The following TRERF1 variants were observed in gnomAD, a reference collection of about 807,000 sequenced individuals.
TRERF1 encodes transcriptional-regulating factor 1.
In TRERF1, 27 loss-of-function variants were observed where a neutral mutation model predicts 122.9. That is an observed-to-expected ratio of 0.22 (90% CI 0.16 to 0.30). The LOEUF is 0.30. Among genes scored for constraint, TRERF1 ranks in the 10% least tolerant of loss-of-function variants. The probability of loss-of-function intolerance (pLI) is 1.00; values close to 1 mark genes in which losing one functional copy is unlikely to be tolerated. For synonymous variants in TRERF1, 636 were observed against 641.7 expected (o/e 0.99, Z 0.13); for missense variants, 1,248 against 1,560.3 (o/e 0.80, Z 3.37).
Position 42,228,311 on chromosome 6 carries a change from G to T in TRERF1, c.*34C>A, listed in dbSNP as rs1266599454. The T allele has an allele frequency of 6.5e-7, 1 of 1,542,622 alleles. No individual in the cohort carries two copies. The highest frequency in any genetic ancestry group is 8.8e-7 in the Non-Finnish European group (1 of 1,142,014). On this transcript the variant is annotated 3_prime_UTR_variant, in exon 18 of 18. Coordinates refer to ENST00000372922, the Ensembl canonical transcript of TRERF1. The surrounding 1 kb of genome is among the most constrained non-coding windows in gnomAD (Gnocchi z 4.2). ...CCTGATTAATGAAGATGGAGGCCGT[G>T]GGTTTTCACTGTCTCTAAGTGACAC...
intron 12 of TRERF1, among the ~76,000 whole-genome samples, chr6:42,256,109 C>T (rs1419656601): frequency 2.3e-5 from 3 of 129,412 alleles, no homozygotes; most frequent in East Asian, 4.6e-4. Context: ...CCAGCCTGGG[C>T]GATAGAGTGA....
At chr6:42,233,350 G>A (rs533151612) in intron 16 of TRERF1, among the ~76,000 whole-genome samples, 11 of 149,322 alleles carry the variant, frequency 7.4e-5, no homozygotes, top group South Asian at 2.1e-4. Flanking sequence ...TGGTGGTGCG[G>A]TCTCAGCTCA....
At chr6:42,302,149 A>G (rs1488441700) in intron 3 of TRERF1, among the ~76,000 whole-genome samples, 1 of 152,260 alleles carries the variant, frequency 6.6e-6, no homozygotes, top group East Asian at 1.9e-4. Context: ...AGAGTCATCT[A>G]TTAAAATGCA....
In TRERF1 at chr6:42,268,768, G is replaced by C. The variant is rs778503205; in HGVS notation, c.823C>G (p.Gln275Glu). 19 of 1,614,088 alleles carry C rather than the reference G, an allele frequency of 1.2e-5. No homozygotes were observed. In the South Asian group the frequency reaches 2.0e-4, roughly 17 times the overall value. The change falls in exon 5 of 18, where the codon CAG (glutamine) becomes GAG (glutamate). Residue 275 changes from glutamine (Q) to glutamate (E), a missense_variant. By Grantham distance (29) the Gln-to-Glu change is conservative. Around this residue, in one of 5 missense-constraint regions of TRERF1, gnomAD observed 946 missense variants for 1,073.0 expected, o/e 0.88. Transcript: ENST00000372922. This position sits in a 1 kb window ranked among gnomAD's most constrained non-coding sequence, Gnocchi z 4.4. ...ATACGCTGTTGCCCGGCTTGCTGCT[G>C]TTGCTGCGGTGGGTAATACTGGTGC...
exon 18 of TRERF1, chr6:42,225,568 T>C (rs1407330865): frequency 6.6e-6 from 1 of 151,796 alleles, no homozygotes; most frequent in Non-Finnish European, 1.5e-5. Context: ...TTAAGCACAC[T>C]AGATATTATG....
intron 2 of TRERF1, among the ~76,000 whole-genome samples, chr6:42,390,901 G>C (rs1333485504): frequency 1.3e-5 from 2 of 152,126 alleles, no homozygotes; most frequent in South Asian, 4.1e-4. Flanking sequence ...CAGGTTACTA[G>C]GGCCTCTCCA....
At chr6:42,350,548 C>T (rs192116271) in intron 3 of TRERF1, among the ~76,000 whole-genome samples, 1 of 152,314 alleles carries the variant, frequency 6.6e-6, no homozygotes, top group African/African-American at 2.4e-5. Context: ...GCTGATCTCA[C>T]TATCTCCATG....
chr6:42,245,325 C>T (rs927774214), intron 14 of TRERF1, among the ~76,000 whole-genome samples: 116 of 152,328 alleles, frequency 7.6e-4, no homozygotes, highest in African/African-American at 2.1e-3. Flanking sequence ...GGAGGCGAGG[C>T]GGAGGCAAGT....
At chr6:42,427,091 T>C (rs1783730786) in intron 2 of TRERF1, among the ~76,000 whole-genome samples, 3 of 151,710 alleles carry the variant, frequency 2.0e-5, no homozygotes, top group African/African-American at 2.4e-5. Flanking sequence ...GAGGCTGAGA[T>C]GGGAGGATCA....
intron 10 of TRERF1, among the ~76,000 whole-genome samples, chr6:42,257,754 C>A (rs994359167): frequency 6.6e-6 from 1 of 152,210 alleles, no homozygotes; most frequent in East Asian, 1.9e-4. Context: ...AAGTACTTAA[C>A]AAGCCCATTT....
exon 15 of TRERF1, chr6:42,243,301 G>T (rs746577995): frequency 2.5e-6 from 4 of 1,614,094 alleles, no homozygotes; most frequent in African/African-American, 1.3e-5. Context: ...CGCCCCAGCC[G>T]CATGATCTTT....
At chr6:42,426,927 C>T (rs1190925423) in intron 2 of TRERF1, among the ~76,000 whole-genome samples, 1 of 152,052 alleles carries the variant, frequency 6.6e-6, no homozygotes, top group Non-Finnish European at 1.5e-5. Context: ...GTATTATATA[C>T]ATTTAAAACC....
chr6:42,420,919 C>T (rs961191556), intron 2 of TRERF1, among the ~76,000 whole-genome samples: 4 of 152,198 alleles, frequency 2.6e-5, no homozygotes, highest in Non-Finnish European at 4.4e-5. Flanking sequence ...GAACACTTCC[C>T]GCTTTTTCAG....
rs946013196 is a variant in TRERF1 at position 42,228,517 on chromosome 6, A to G, written c.3431T>C (p.Leu1144Pro). The change falls in exon 18 of 18, where the codon CTG (leucine) becomes CCG (proline). Residue 1144 changes from leucine (L) to proline (P), a missense_variant. Coordinates refer to ENST00000372922, the Ensembl canonical transcript of TRERF1. The surrounding 1 kb of genome is among the most constrained non-coding windows in gnomAD (Gnocchi z 4.2). ...CAGACTCAGCTGGTCCAGGGGCAGC[A>G]GCCCCGGCGCCCCCACGGGCCCCGT... 2 of 1,614,080 alleles carry G rather than the reference A, an allele frequency of 1.2e-6. No individual in the cohort carries two copies. The highest frequency in any genetic ancestry group is 2.7e-5 in the African/African-American group (2 of 74,952).
At chr6:42,342,338 G>C (rs1767459883) in intron 3 of TRERF1, among the ~76,000 whole-genome samples, 2 of 152,144 alleles carry the variant, frequency 1.3e-5, no homozygotes, top group Admixed American at 1.3e-4. Context: ...ACTTTGGCTT[G>C]ACCTGGGGTC....
At chr6:42,313,940 G>A (rs1762082439) in intron 3 of TRERF1, among the ~76,000 whole-genome samples, 1 of 152,148 alleles carries the variant, frequency 6.6e-6, no homozygotes, top group East Asian at 1.9e-4. Flanking sequence ...ACAAGGATGA[G>A]AGCCTATTAA....
At chr6:42,388,680 G>A (rs1035566974) in intron 2 of TRERF1, among the ~76,000 whole-genome samples, 1 of 152,134 alleles carries the variant, frequency 6.6e-6, no homozygotes, top group African/African-American at 2.4e-5. Context: ...AAGTTGATTA[G>A]AACTCCCAGA....
intron 4 of TRERF1, among the ~76,000 whole-genome samples, chr6:42,280,366 G>A (rs61074350): frequency 0.089 from 13,537 of 152,210 alleles, 729 homozygotes; most frequent in African/African-American, 0.14. Context: ...TAGAAGCCCT[G>A]GGGGATGGTG....
chr6:42,290,741 C>CTT (rs144168592), intron 4 of TRERF1, among the ~76,000 whole-genome samples: 2,617 of 92,378 alleles, frequency 0.028, 128 homozygotes, highest in African/African-American at 0.066. Context: ...CATTTCTTTC[C>CTT]TTTTTTTTTT....
Sources: gnomAD v4.1 joint callset for allele counts (sites outside exome capture counted in the v4.1 genomes callset) on GRCh38, gnomAD v4.1.1 for gene constraint, gnomAD v4.1.1 regional missense constraint, Gnocchi (gnomAD v3.1) non-coding constraint, MANE v1.5 for transcripts, NCBI Gene and HGNC (gene_info 2026-07-23, HGNC 2026-07-21) for gene names.